The following CRYBG1 variants were observed in gnomAD, a reference collection of about 807,000 sequenced individuals.
CRYBG1 encodes crystallin beta-gamma domain containing 1.
A neutral mutation model predicts 189.2 loss-of-function variants in CRYBG1; 139 were observed. The ratio of observed to expected loss-of-function variants is 0.73; its 90% CI spans 0.64 to 0.85. The LOEUF is 0.85. Ranked by LOEUF, CRYBG1 falls within the 40% of genes least tolerant of loss-of-function variation. The pLI is 0.00. For synonymous variants in CRYBG1, 1,023 were observed against 1,017.1 expected (o/e 1.01, Z -0.11); for missense variants, 2,611 against 2,675.8 (o/e 0.98, Z 0.53).
rs765990707 is a variant in CRYBG1 at position 106,520,116 on chromosome 6, G to A, written c.2908G>A (p.Val970Met). 4.3e-6 allele frequency: 7 copies of A among 1,614,126 alleles called. No homozygotes were observed. The highest frequency in any genetic ancestry group is 5.9e-6 in the Non-Finnish European group (7 of 1,180,016). Residue 970 changes from valine (V) to methionine (M), a missense_variant, in exon 4 of 22, where the codon GTG becomes ATG. Transcript: ENST00000633556. ...GCTCCCCGTGGAGAGCACCCAGGAT[G>A]TGAGCTCCCAGGTCATCCCAGAGAG... Reference protein sequence around the residue: ...FVLPVESTQDVSSQVIPESSE... With the variant: ...FVLPVESTQDMSSQVIPESSE...
At chr6:106,505,618 TC>T (rs1423869535) in intron 2 of CRYBG1, among the ~76,000 whole-genome samples, 3 of 152,214 alleles carry the variant, frequency 2.0e-5, no homozygotes, top group Non-Finnish European at 4.4e-5. Flanking sequence ...CTAAAGTCTT[TC>T]TTGCTTCTAT....
intron 2 of CRYBG1, among the ~76,000 whole-genome samples, chr6:106,476,813 A>G (rs1380789201): frequency 6.6e-6 from 1 of 152,204 alleles, no homozygotes; most frequent in Non-Finnish European, 1.5e-5. Flanking sequence ...ACTAAGAAAG[A>G]CTATGGCAAA....
At chr6:106,516,054 GT>G (rs1165916258) in intron 3 of CRYBG1, among the ~76,000 whole-genome samples, 2 of 151,812 alleles carry the variant, frequency 1.3e-5, no homozygotes, top group Admixed American at 1.3e-4. Flanking sequence ...GCCTCCCAAA[GT>G]GCTAGGATTA....
Position 106,527,309 on chromosome 6 carries a change from A to C in CRYBG1, c.4417A>C (p.Ile1473Leu), listed in dbSNP as rs1481835462. 1 of 1,610,356 alleles carries C rather than the reference A, an allele frequency of 6.2e-7. No homozygotes were observed. Among genetic ancestry groups the C allele is most frequent in the South Asian group, 1.1e-5 (1 of 90,516 alleles). ...ILIKVVRGCW[I>L]LYEQPNFEGH... ...TTTGCTGTGTTTTATTGTTAGTTGG[A>C]TTTTGTATGAGCAACCAAATTTTGA... is the stretch of plus-strand genomic sequence containing the variant. Residue 1473 changes from isoleucine (I) to leucine (L), a missense_variant, in exon 7 of 22, where the codon ATT becomes CTT. Physicochemically the swap from Ile to Leu is conservative, Grantham distance 5 (BLOSUM62 2). Coordinates refer to ENST00000633556, the MANE Select transcript of CRYBG1 (RefSeq NM_001371242.2).
At chr6:106,415,675 A>G (rs1771009121) in intron 1 of CRYBG1, among the ~76,000 whole-genome samples, 1 of 152,012 alleles carries the variant, frequency 6.6e-6, no homozygotes, top group African/African-American at 2.4e-5. Flanking sequence ...GCAGTGAGCC[A>G]TGATCATACC....
chr6:106,377,648 T>TATATATATATATATATATATATATATA (rs56394821), intron 1 of CRYBG1, among the ~76,000 whole-genome samples: 12 of 146,776 alleles, frequency 8.2e-5, no homozygotes, highest in African/African-American at 2.5e-4. Flanking sequence ...TATATATATA[T>TATATATATATATATATATATATATATA]TTTCATTTGC....
chr6:106,437,255 G>C (rs1771477379), intron 1 of CRYBG1, among the ~76,000 whole-genome samples: 1 of 151,530 alleles, frequency 6.6e-6, no homozygotes, highest in Non-Finnish European at 1.5e-5. Flanking sequence ...CATCTCATTG[G>C]GTTTGCTAAT....
At chr6:106,566,506 C>T (rs1027410080) in intron 21 of CRYBG1, among the ~76,000 whole-genome samples, 26 of 111,910 alleles carry the variant, frequency 2.3e-4, no homozygotes, top group Non-Finnish European at 4.2e-4. Flanking sequence ...GAGTCTCACT[C>T]TGTCGTCCAG....
At chr6:106,468,206 A>G (rs1293693516) in intron 2 of CRYBG1, among the ~76,000 whole-genome samples, 1 of 152,236 alleles carries the variant, frequency 6.6e-6, no homozygotes, top group African/African-American at 2.4e-5. Context: ...CCAGCTCTTG[A>G]CAGTTTCGGG....
rs1272630721 is a variant in CRYBG1, at chr6:106,520,873, AAG to A, written c.3669_3670del (p.Asn1224GlnfsTer9). On this transcript the variant is annotated frameshift_variant, in exon 4 of 22. Transcript: ENST00000633556. LOFTEE classifies it high-confidence loss of function. ...CTGGTGATGCCGGAAATCAATGACA[AAG>A]AGAACAGGGACGTCACAAATGGTGG... 6.2e-7 allele frequency: 1 copy of A among 1,614,166 alleles called. No homozygotes were observed. The highest frequency in any genetic ancestry group is 8.5e-7 in the Non-Finnish European group (1 of 1,180,010).
intron 1 of CRYBG1, among the ~76,000 whole-genome samples, chr6:106,447,989 AG>A (rs1421049646): frequency 6.6e-6 from 1 of 152,224 alleles, no homozygotes; most frequent in Non-Finnish European, 1.5e-5. Flanking sequence ...GTTGTGTTTC[AG>A]GAGACAAACT....
chr6:106,445,969 T>C (rs1210501865), intron 1 of CRYBG1, among the ~76,000 whole-genome samples: 3 of 152,220 alleles, frequency 2.0e-5, no homozygotes, highest in East Asian at 1.9e-4. Context: ...AGATGCCTCT[T>C]TGTGAGCCTG....
At chr6:106,369,906 T>C (rs1277309963) in intron 1 of CRYBG1, among the ~76,000 whole-genome samples, 7 of 152,216 alleles carry the variant, frequency 4.6e-5, no homozygotes, top group Admixed American at 6.5e-5. Context: ...ACAGAGCTCA[T>C]TAAGAGTGAG....
intron 1 of CRYBG1, among the ~76,000 whole-genome samples, chr6:106,383,114 T>A (rs1770318028): frequency 6.6e-6 from 1 of 152,176 alleles, no homozygotes. Context: ...GAACTAGTCA[T>A]GGAACCAGAA....
chr6:106,544,934 G>A lies in CRYBG1; in HGVS notation c.5312+1G>A. On this transcript the variant is annotated splice_donor_variant, in intron 13 of 21. Transcript: ENST00000633556. LOFTEE classifies it high-confidence loss of function. ...AGTCTATTAATGTACTGAGTGGAGT[G>A]TAAGTGAAATAATCCAGTTGGAATT... The A allele has an allele frequency of 6.3e-7, 1 of 1,592,246 alleles. No homozygotes were observed. Among genetic ancestry groups the A allele is most frequent in the Non-Finnish European group, 8.5e-7 (1 of 1,174,198 alleles).
chr6:106,561,012 AT>A, intron 19 of CRYBG1, 86 bp downstream of exon 19: 25 of 1,407,570 alleles, frequency 1.8e-5, no homozygotes, highest in Non-Finnish European at 2.4e-5. Flanking sequence ...CAATTTTTTT[AT>A]TCAAAGTTTA....
At position 106,558,543 on chromosome 6, in the gene CRYBG1, A is replaced by AT. The variant is rs757922456; in HGVS notation, c.5775dup (p.Glu1926Ter). On this transcript the variant is annotated frameshift_variant, in exon 18 of 22. Coordinates refer to ENST00000633556, the MANE Select transcript of CRYBG1 (RefSeq NM_001371242.2). LOFTEE classifies it high-confidence loss of function. Reference sequence around the variant, plus strand: ...AAGAGAAGACTTCAAAGGAAAAAAGATTGAACTTAATGCAGAAACTGTCAA... The same window carrying AT: ...AAGAGAAGACTTCAAAGGAAAAAAGATTTGAACTTAATGCAGAAACTGTCAA... 1 of 1,612,170 alleles carries AT rather than the reference A, an allele frequency of 6.2e-7. No individual in the cohort carries two copies. Among genetic ancestry groups the AT allele is most frequent in the Non-Finnish European group, 8.5e-7 (1 of 1,178,514 alleles).
chr6:106,381,802 C>T (rs1770295201), intron 1 of CRYBG1, among the ~76,000 whole-genome samples: 1 of 152,208 alleles, frequency 6.6e-6, no homozygotes, highest in Non-Finnish European at 1.5e-5. Flanking sequence ...GCAATGTGTG[C>T]TCCTGCTAGC....
At chr6:106,513,430 T>C (rs1037066319) in intron 3 of CRYBG1, among the ~76,000 whole-genome samples, 12 of 152,214 alleles carry the variant, frequency 7.9e-5, no homozygotes, top group African/African-American at 2.9e-4. Flanking sequence ...TTTCAAAATA[T>C]GGAGCAAACA....
Sources: allele counts gnomAD v4.1 joint callset (sites outside exome capture counted in the v4.1 genomes callset), GRCh38; gene constraint gnomAD v4.1.1; transcripts MANE v1.5; gene names NCBI Gene and HGNC (gene_info 2026-07-23, HGNC 2026-07-21).